TENT2: variants seen among roughly 807,000 people sequenced by gnomAD.
TENT2 encodes terminal nucleotidyltransferase 2.
TENT2 carries 44 observed loss-of-function variants against 72.2 expected under a neutral mutation model. That is an observed-to-expected ratio of 0.61 (90% confidence interval 0.48 to 0.78). The LOEUF (loss-of-function observed/expected upper bound fraction) is 0.78. Among genes scored for constraint, TENT2 ranks in the 30% least tolerant of loss-of-function variants. TENT2 has a pLI of 0.00. For missense variants in TENT2, 541 were observed against 569.6 expected (o/e 0.95, Z 0.51); for synonymous variants, 212 against 192.5 (o/e 1.10, Z -0.84).
At chr5:79,614,789 A>G (rs1461982863) in intron 1 of TENT2, among the ~76,000 whole-genome samples, 1 of 152,130 alleles carries the variant, frequency 6.6e-6, no homozygotes, top group Non-Finnish European at 1.5e-5. Flanking sequence ...GAAACTCTAC[A>G]GTCTCTTTAA....
chr5:79,641,318 C>A, intron 6 of TENT2, 122 bp downstream of exon 6: 1 of 775,928 alleles, frequency 1.3e-6, no homozygotes, highest in Non-Finnish European at 2.0e-6. Context: ...ATTTTGTTTA[C>A]CATAATTGCA....
chr5:79,639,517 G>C (rs551702086), intron 4 of TENT2, among the ~76,000 whole-genome samples: 1 of 151,056 alleles, frequency 6.6e-6, no homozygotes, highest in South Asian at 2.1e-4. Context: ...GGGTTTTGTA[G>C]GACAAGTATT....
intron 4 of TENT2, among the ~76,000 whole-genome samples, chr5:79,629,364 G>GTT (rs1375542672): frequency 2.6e-5 from 4 of 152,192 alleles, no homozygotes; most frequent in African/African-American, 9.7e-5. Flanking sequence ...ATTCTTAAGA[G>GTT]ATCTGAAACA....
intron 11 of TENT2, among the ~76,000 whole-genome samples, chr5:79,667,678 T>C (rs563895934): frequency 2.6e-5 from 4 of 152,280 alleles, no homozygotes; most frequent in Non-Finnish European, 5.9e-5. Flanking sequence ...TAACAATTAT[T>C]GATAGAATTA....
At chr5:79,678,812 T>A (rs1819385575) in intron 12 of TENT2, among the ~76,000 whole-genome samples, 1 of 152,242 alleles carries the variant, frequency 6.6e-6, no homozygotes, top group Non-Finnish European at 1.5e-5. Flanking sequence ...CACTAGAAGA[T>A]TACTTCTGTC....
At position 79,641,164 on chromosome 5, in the gene TENT2, G is replaced by A. The variant is rs751806292; in HGVS notation, c.640G>A (p.Gly214Ser). The change falls in exon 6 of 15, where the codon GGT becomes AGT. Residue 214 changes from glycine to serine, a missense_variant. Gly to Ser is a moderately conservative substitution (Grantham distance 56). Transcript: ENST00000453514. ...TGGATTTGGTACCCGGAGCAGTGAT[G>A]GTGATTTATGCCTAGTTGTTAAGGA... Reference protein sequence around the residue: ...LNGFGTRSSDGDLCLVVKEEP... With the variant: ...LNGFGTRSSDSDLCLVVKEEP... The A allele has an allele frequency of 6.3e-7, 1 of 1,577,406 alleles. No individual in the cohort carries two copies. The highest frequency in any genetic ancestry group is 8.6e-7 in the Non-Finnish European group (1 of 1,169,254).
chr5:79,683,797 G>A (rs1166179494), intron 14 of TENT2, among the ~76,000 whole-genome samples: 2 of 149,444 alleles, frequency 1.3e-5, no homozygotes, highest in African/African-American at 4.9e-5. Context: ...GCGGGCGCCT[G>A]TAGTCCCAGC....
intron 4 of TENT2, among the ~76,000 whole-genome samples, chr5:79,625,735 C>T (rs1032129758): frequency 2.0e-5 from 3 of 151,608 alleles, no homozygotes; most frequent in Admixed American, 1.3e-4. Context: ...TTTTTTTAAC[C>T]ATATTGAAAT....
intron 4 of TENT2, among the ~76,000 whole-genome samples, chr5:79,631,047 T>G (rs191047891): frequency 6.6e-6 from 1 of 152,256 alleles, no homozygotes; most frequent in East Asian, 1.9e-4. Flanking sequence ...TTTGATGATA[T>G]ATTAGATTAC....
chr5:79,684,948 C>G (rs1305308573), intron 14 of TENT2, among the ~76,000 whole-genome samples: 4 of 152,170 alleles, frequency 2.6e-5, no homozygotes, highest in Non-Finnish European at 1.5e-5. Flanking sequence ...GTCCCAGCTA[C>G]TCAGGAGGCA....
At chr5:79,625,711 TCTC>T (rs896001899) in intron 4 of TENT2, among the ~76,000 whole-genome samples, 3 of 152,104 alleles carry the variant, frequency 2.0e-5, no homozygotes, top group African/African-American at 7.2e-5. Context: ...ACTGTTCTTT[TCTC>T]CTCTGTAATT....
chr5:79,619,891 A>AT (rs964915398), intron 2 of TENT2, 103 bp from the exon 3 acceptor site: 1,190 of 1,437,972 alleles, frequency 8.3e-4, no homozygotes, highest in East Asian at 1.4e-3. Flanking sequence ...ATGTCGTCAC[A>AT]TTTTTTTTTG....
Position 79,623,556 on chromosome 5 carries a change from ATATT to A in TENT2, c.465+70_465+73del, listed in dbSNP as rs1268398789. The A allele has an allele frequency of 9.0e-6, 10 of 1,107,976 alleles. 1 individual carries two copies. The Middle Eastern group carries it at 8.6e-4, about 95-fold the overall frequency. The allele number at this position is 1,107,976 out of a possible 1,614,324, so 68.6% of individuals were successfully genotyped here. Reference sequence around the variant, plus strand: ...AGTATAAATAATGTATTAATCAAAAATATTTAATATCCTGGATTAAGTAGAACGT... The same window carrying A: ...AGTATAAATAATGTATTAATCAAAAATAATATCCTGGATTAAGTAGAACGT... On this transcript the variant is annotated intron_variant, in intron 4 of 14. Coordinates refer to ENST00000453514, the MANE Select transcript of TENT2 (RefSeq NM_001114394.3).
chr5:79,636,612 T>C (rs1158228802), intron 4 of TENT2, among the ~76,000 whole-genome samples: 1 of 152,216 alleles, frequency 6.6e-6, no homozygotes, highest in Non-Finnish European at 1.5e-5. Flanking sequence ...TTTTGATTTC[T>C]TTTTCATTTC....
intron 4 of TENT2, among the ~76,000 whole-genome samples, chr5:79,631,361 A>G (rs1366572415): frequency 6.6e-6 from 1 of 152,202 alleles, no homozygotes; most frequent in East Asian, 1.9e-4. Flanking sequence ...ATGTGTGCTT[A>G]ATAGGGATTG....
intron 3 of TENT2, among the ~76,000 whole-genome samples, chr5:79,621,008 A>G (rs141878168): frequency 5.0e-4 from 76 of 152,302 alleles, no homozygotes; most frequent in African/African-American, 1.8e-3. Context: ...ACATTCGGCA[A>G]TATTTGAAAG....
intron 2 of TENT2, 68 bp downstream of exon 2, chr5:79,619,853 T>C: frequency 6.5e-7 from 1 of 1,541,872 alleles, no homozygotes; most frequent in Non-Finnish European, 8.8e-7. Context: ...TAAACCCTTT[T>C]TGTATGAAAC....
intron 6 of TENT2, among the ~76,000 whole-genome samples, chr5:79,641,982 A>G (rs1784847397): frequency 6.6e-6 from 1 of 151,876 alleles, no homozygotes; most frequent in Admixed American, 6.6e-5. Context: ...GTTTACCTGA[A>G]TTTCCTGTTA....
chr5:79,651,663 GC>G (rs771643129), intron 10 of TENT2, among the ~76,000 whole-genome samples: 1 of 151,986 alleles, frequency 6.6e-6, no homozygotes, highest in Non-Finnish European at 1.5e-5. Context: ...AATTTGGGGA[GC>G]ATTTTTTCAT....
Sources: gnomAD v4.1 joint callset for allele counts (sites outside exome capture counted in the v4.1 genomes callset) on GRCh38, gnomAD v4.1.1 for gene constraint, MANE v1.5 for transcripts, NCBI Gene and HGNC (gene_info 2026-07-23, HGNC 2026-07-21) for gene names.